Variants in HSD3B7 observed in about 807,000 individuals in gnomAD.
The protein encoded by HSD3B7 is 3 beta-hydroxysteroid dehydrogenase type 7.
HSD3B7 carries 35 observed loss-of-function variants against 34.3 expected under a neutral mutation model. The observed-to-expected ratio is 1.02, with a 90% CI of 0.78 to 1.35. The LOEUF is 1.35. Ranked by LOEUF, HSD3B7 falls within the 40% of genes most tolerant of loss-of-function variation. HSD3B7 has a pLI of 0.00. For missense variants in HSD3B7, 426 were observed against 504.7 expected (o/e 0.84, Z 1.49); for synonymous variants, 217 against 220.1 (o/e 0.99, Z 0.13).
At chr16:30,987,715 T>C (rs1244622468) in intron 6 of HSD3B7, 53 bp from the exon 7 acceptor site, 1 of 1,594,700 alleles carries the variant, frequency 6.3e-7, no homozygotes, top group Non-Finnish European at 8.5e-7. Context: ...AGCCTCGATG[T>C]GGTGTTGCAA....
rs761928008 is a variant in HSD3B7 at position 30,985,960 on chromosome 16, G to A, written c.167-89G>A. The A allele has an allele frequency of 3.4e-5, 54 of 1,569,580 alleles. No homozygotes were observed. In the Admixed American group the frequency reaches 8.8e-4, roughly 26 times the overall value. On this transcript the variant is annotated intron_variant, in intron 2 of 6. Coordinates refer to ENST00000297679, the MANE Select transcript of HSD3B7 (RefSeq NM_025193.4). ...ATGGATGGGTCGAGTGAGTCACATT[G>A]GGAACGTGACTCCAGGGTGGAAGAT...
At chr16:30,986,393 G>C in intron 3 of HSD3B7, 30 bp from the exon 4 acceptor site, 1 of 1,599,892 alleles carries the variant, frequency 6.3e-7, no homozygotes, top group Non-Finnish European at 8.6e-7. Context: ...GGAAGAAGCT[G>C]CAGCTTGGAT....
At chr16:30,987,468 T>G (rs2056499572) in intron 6 of HSD3B7, 3 of 492,640 alleles carry the variant, frequency 6.1e-6, no homozygotes, top group Non-Finnish European at 3.7e-6. Context: ...TTAAAGGAAG[T>G]AGCATCTACA....
chr16:30,987,586 A>C (rs1426719646), intron 6 of HSD3B7, 182 bp from the exon 7 acceptor site: 2 of 680,374 alleles, frequency 2.9e-6, no homozygotes, highest in East Asian at 5.4e-5. Context: ...TTGCAGATGC[A>C]GGCTGGCCCA....
At chr16:30,987,181 T>G in intron 6 of HSD3B7, 179 bp downstream of exon 6, 1 of 656,186 alleles carries the variant, frequency 1.5e-6, no homozygotes, top group Non-Finnish European at 2.6e-6. Flanking sequence ...GAATACAGGA[T>G]CCATGCAAGT....
At chr16:30,985,434 AC>A (rs1444265723) in intron 1 of HSD3B7, 137 bp downstream of exon 1, 20 of 1,445,696 alleles carry the variant, frequency 1.4e-5, no homozygotes, top group Non-Finnish European at 1.8e-5. Flanking sequence ...CTCTCCCTAA[AC>A]CCTGACCCCT....
intron 5 of HSD3B7, 49 bp downstream of exon 5, chr16:30,986,753 C>A (rs759165904): frequency 4.3e-6 from 7 of 1,610,288 alleles, no homozygotes; most frequent in South Asian, 1.1e-5. Context: ...GCCCTGCACA[C>A]CCCCTTACCC....
rs1417177954 is a variant in HSD3B7 at position 30,986,519 on chromosome 16, A to G, written c.419A>G (p.His140Arg). The G allele has an allele frequency of 1.1e-5, 18 of 1,613,716 alleles. No homozygotes were observed. The highest frequency in any genetic ancestry group is 1.4e-5 in the Non-Finnish European group (17 of 1,179,804). ...MEVVGPNTKG[H>R]PFYRGNEDTP... ...GTTGTGGGGCCTAACACCAAAGGTC[A>G]CCCCTTCTACAGGTGAGTGGCAGGC... is the stretch of plus-strand genomic sequence containing the variant. The change falls in exon 4 of 7, where the codon CAC (histidine) becomes CGC (arginine). Residue 140 changes from histidine (H) to arginine (R), a missense_variant. Physicochemically the swap from His to Arg is conservative, Grantham distance 29. Coordinates refer to ENST00000297679, the MANE Select transcript of HSD3B7 (RefSeq NM_025193.4).
In HSD3B7 at chr16:30,985,471, C is replaced by T. The variant is rs779464092; in HGVS notation, c.-7+174C>T. Reference sequence around the variant, plus strand: ...TCCTGCACCCCAAGCCCGCCCCTCTCTCCGTAACTCAGCCATCAGCAGGGG... The same window carrying T: ...TCCTGCACCCCAAGCCCGCCCCTCTTTCCGTAACTCAGCCATCAGCAGGGG... On this transcript the variant is annotated intron_variant, in intron 1 of 6. Coordinates refer to ENST00000297679, the MANE Select transcript of HSD3B7 (RefSeq NM_025193.4). 1.0e-5 allele frequency: 15 copies of T among 1,484,084 alleles called. No individual in the cohort carries two copies. The South Asian group carries it at 2.0e-4, about 20-fold the overall frequency. 91.9% of individuals were successfully genotyped at this position (1,484,084 alleles called of 1,614,324 possible).
chr16:30,985,424 C>T (rs1195796304), intron 1 of HSD3B7, 127 bp downstream of exon 1: 9 of 1,418,386 alleles, frequency 6.3e-6, no homozygotes, highest in Non-Finnish European at 8.3e-6. Flanking sequence ...CTTCAAATCT[C>T]TCTCCCTAAA....
intron 3 of HSD3B7, 26 bp from the exon 4 acceptor site, chr16:30,986,397 C>T (rs1284717424): frequency 1.2e-6 from 2 of 1,604,006 alleles, no homozygotes; most frequent in Admixed American, 1.7e-5. Flanking sequence ...GAAGCTGCAG[C>T]TTGGATACGC....
rs912091688 is a variant in HSD3B7, at chr16:30,986,611, C to T, written c.438C>T (p.Asn146=). 15 of 1,614,054 alleles carry T rather than the reference C, an allele frequency of 9.3e-6. No individual in the cohort carries two copies. The highest frequency in any genetic ancestry group is 2.7e-5 in the African/African-American group (2 of 74,942). ...TTCCTTCTCCTCCCACCAGGGGCAA[C>T]GAAGACACCCCATACGAAGCAGTGC... ...NTKGHPFYRG[N]EDTPYEAVHR... Residue 146 remains asparagine, a synonymous_variant, in exon 5 of 7, where the codon AAC becomes AAT. Transcript: ENST00000297679.
In HSD3B7 at chr16:30,985,244, G is replaced by A. The variant is rs934794787; in HGVS notation, c.-60G>A. The stretch of plus-strand genomic sequence containing the variant: ...GTGTGCGGGCCGGCCAGCCCTGGAC[G>A]AAAGAAGAGGGCCCCTCCAGGCCAG... On this transcript the variant is annotated 5_prime_UTR_variant, in exon 1 of 7. Transcript: ENST00000297679. 3.1e-5 allele frequency: 35 copies of A among 1,123,274 alleles called. No individual in the cohort carries two copies. The highest frequency in any genetic ancestry group is 4.1e-5 in the South Asian group (2 of 48,428). 69.6% of individuals were successfully genotyped at this position (1,123,274 alleles called of 1,614,324 possible).
chr16:30,985,596 C>T (rs1417575006), intron 1 of HSD3B7, 57 bp from the exon 2 acceptor site: 4 of 1,552,558 alleles, frequency 2.6e-6, no homozygotes, highest in Non-Finnish European at 3.5e-6. Flanking sequence ...CCAGCAGTAA[C>T]AGGTGGTTGC....
chr16:30,985,367 C>T, intron 1 of HSD3B7, 70 bp downstream of exon 1: 4 of 1,320,006 alleles, frequency 3.0e-6, no homozygotes, highest in Non-Finnish European at 3.9e-6. Flanking sequence ...TTCCTATAAC[C>T]TTCCCTCCAC....
In HSD3B7 at chr16:30,987,504, C is replaced by T. The variant is rs2056500125; in HGVS notation, c.695-264C>T. 8.8e-6 allele frequency: 5 copies of T among 569,868 alleles called. No individual in the cohort carries two copies. In the East Asian group the frequency reaches 1.5e-4, roughly 17 times the overall value. 35.3% of individuals were successfully genotyped at this position (569,868 alleles called of 1,614,324 possible). A position where few individuals can be genotyped will look rare whatever the true frequency, so the allele number is the denominator to read the frequency against. On this transcript the variant is annotated intron_variant, in intron 6 of 6. Coordinates refer to ENST00000297679, the MANE Select transcript of HSD3B7 (RefSeq NM_025193.4). The stretch of plus-strand genomic sequence containing the variant: ...CAGGGAATAAGGTCACCTGCCACTC[C>T]ATCCTGCAGTCCCCAAGCCTCTCAG...
intron 6 of HSD3B7, 157 bp from the exon 7 acceptor site, chr16:30,987,608 GACT>G (rs1205130030): frequency 6.3e-6 from 5 of 790,330 alleles, no homozygotes; most frequent in Non-Finnish European, 1.1e-5. Flanking sequence ...GAGAGCAAGT[GACT>G]ACCAGGGCGA....
chr16:30,985,945 C>A (rs776155947), intron 2 of HSD3B7, 104 bp from the exon 3 acceptor site: 3 of 1,574,372 alleles, frequency 1.9e-6, no homozygotes, highest in Non-Finnish European at 2.6e-6. Context: ...ATGGATGGGT[C>A]GAGTGAGTCA....
At position 30,986,464 on chromosome 16, in the gene HSD3B7, C is replaced by T. The variant is rs765046765; in HGVS notation, c.364C>T (p.Arg122Trp). ...VIEACVQTGTRFLVYTSSMEV... is the reference protein window; with the variant it reads ...VIEACVQTGTWFLVYTSSMEV... ...CGAGGCTTGTGTGCAGACCGGAACA[C>T]GGTTCCTGGTCTACACCAGCAGCAT... Residue 122 changes from arginine (R) to tryptophan (W), a missense_variant, in exon 4 of 7, where the codon CGG becomes TGG. By Grantham distance (101) the Arg-to-Trp change is moderately radical. Transcript: ENST00000297679. 7.4e-6 allele frequency: 12 copies of T among 1,613,982 alleles called. No individual in the cohort carries two copies. The South Asian group carries it at 8.8e-5, about 12-fold the overall frequency.
Sources: gnomAD v4.1 joint callset for allele counts on GRCh38, gnomAD v4.1.1 for gene constraint, MANE v1.5 for transcripts, NCBI Gene and HGNC (gene_info 2026-07-23, HGNC 2026-07-21) for gene names.